The following C1orf21 variants were observed in gnomAD, a reference collection of about 807,000 sequenced individuals.
C1orf21 encodes the protein uncharacterized protein C1orf21.
A neutral mutation model predicts 18.7 loss-of-function variants in C1orf21; 3 were observed. The ratio of observed to expected loss-of-function variants is 0.16; its 90% CI spans 0.07 to 0.42. The LOEUF (loss-of-function observed/expected upper bound fraction) is 0.42. C1orf21 is among the 10% of genes least tolerant of loss of function. The pLI is 0.99. For synonymous variants in C1orf21, 41 were observed against 46.4 expected, an observed-to-expected ratio of 0.88 and a Z score of 0.47; for missense variants, 104 against 143.6, an observed-to-expected ratio of 0.72 and a Z score of 1.41.
intron 1 of C1orf21, among the ~76,000 whole-genome samples, chr1:184,460,254 C>T (rs1657281347): frequency 6.6e-6 from 1 of 152,122 alleles, no homozygotes; most frequent in East Asian, 1.9e-4. Flanking sequence ...CAGTAAATCC[C>T]CCAAATCCCA....
intron 3 of C1orf21, among the ~76,000 whole-genome samples, chr1:184,534,196 C>G (rs986832430): frequency 6.6e-6 from 1 of 152,170 alleles, no homozygotes; most frequent in Non-Finnish European, 1.5e-5. Flanking sequence ...GAGCCTCACA[C>G]ACTGTGAGGT....
intron 3 of C1orf21, among the ~76,000 whole-genome samples, chr1:184,580,686 C>T (rs79686240): frequency 0.062 from 9,395 of 152,288 alleles, 408 homozygotes; most frequent in African/African-American, 0.11. Context: ...CATTCTTCCA[C>T]TTAAGCTTCA....
At chr1:184,605,578 A>C (rs1427563184) in intron 5 of C1orf21, among the ~76,000 whole-genome samples, 1 of 152,198 alleles carries the variant, frequency 6.6e-6, no homozygotes, top group Non-Finnish European at 1.5e-5. Flanking sequence ...GAGCAAGCAC[A>C]GTGCCAGATA....
intron 5 of C1orf21, 65 bp from the exon 6 acceptor site, chr1:184,619,452 AG>A (rs1659881915): frequency 6.5e-7 from 1 of 1,535,690 alleles, no homozygotes; most frequent in African/African-American, 1.4e-5. Context: ...ATTGATTACA[AG>A]TAACTATTTC....
intron 3 of C1orf21, among the ~76,000 whole-genome samples, chr1:184,522,175 A>G (rs1658314474): frequency 6.6e-6 from 1 of 152,208 alleles, no homozygotes; most frequent in Non-Finnish European, 1.5e-5. Context: ...ATAGATACAG[A>G]TGGAAACATG....
At chr1:184,440,250 A>G (rs1273264750) in intron 1 of C1orf21, among the ~76,000 whole-genome samples, 1 of 151,982 alleles carries the variant, frequency 6.6e-6, no homozygotes, top group Non-Finnish European at 1.5e-5. Flanking sequence ...GTATTTGTTT[A>G]TTTATTTTTT....
chr1:184,568,721 C>T (rs931121052), intron 3 of C1orf21, among the ~76,000 whole-genome samples: 2 of 152,140 alleles, frequency 1.3e-5, no homozygotes, highest in African/African-American at 2.4e-5. Context: ...TCTTTTTCTC[C>T]CATGGAGCCA....
intron 5 of C1orf21, among the ~76,000 whole-genome samples, chr1:184,615,499 A>G (rs1399211332): frequency 6.6e-6 from 1 of 152,180 alleles, no homozygotes; most frequent in Non-Finnish European, 1.5e-5. Flanking sequence ...TGAGTAACGC[A>G]TCCTGACAAA....
intron 3 of C1orf21, among the ~76,000 whole-genome samples, chr1:184,586,313 C>T (rs1276894892): frequency 6.1e-5 from 8 of 130,234 alleles, no homozygotes; most frequent in African/African-American, 2.4e-4. Context: ...GAGACGGAGT[C>T]TCGCTGTCGC....
chr1:184,565,938 A>G (rs1659030534), intron 3 of C1orf21, among the ~76,000 whole-genome samples: 2 of 152,222 alleles, frequency 1.3e-5, no homozygotes, highest in Admixed American at 1.3e-4. Context: ...ATTTTTGAGT[A>G]TAAAAATAAG....
intron 3 of C1orf21, among the ~76,000 whole-genome samples, chr1:184,530,897 T>C (rs191710675): frequency 7.9e-5 from 12 of 152,236 alleles, no homozygotes; most frequent in Admixed American, 7.9e-4. Context: ...TTTGTAGAAA[T>C]GGCATTGTGG....
chr1:184,555,203 CAAAT>C (rs1260457321), intron 3 of C1orf21, among the ~76,000 whole-genome samples: 1 of 152,148 alleles, frequency 6.6e-6, no homozygotes, highest in Non-Finnish European at 1.5e-5. Flanking sequence ...AATGAATAAA[CAAAT>C]AAATCAGTTT....
intron 1 of C1orf21, among the ~76,000 whole-genome samples, chr1:184,390,124 A>G (rs1239564659): frequency 6.6e-6 from 1 of 152,222 alleles, no homozygotes; most frequent in Non-Finnish European, 1.5e-5. Context: ...TCACTGTCTT[A>G]TGATACTTTG....
chr1:184,493,304 A>G (rs918662963), intron 2 of C1orf21, among the ~76,000 whole-genome samples: 1 of 152,236 alleles, frequency 6.6e-6, no homozygotes, highest in African/African-American at 2.4e-5. Flanking sequence ...GCTGGAAGCT[A>G]TAATATAAAT....
chr1:184,514,917 T>A (rs1288161684), intron 3 of C1orf21, among the ~76,000 whole-genome samples: 1 of 152,224 alleles, frequency 6.6e-6, no homozygotes, highest in Non-Finnish European at 1.5e-5. Context: ...TTTCTGTGGG[T>A]ATCCATATAT....
intron 3 of C1orf21, among the ~76,000 whole-genome samples, chr1:184,532,714 T>G (rs2101973751): frequency 6.6e-6 from 1 of 152,320 alleles, no homozygotes; most frequent in Non-Finnish European, 1.5e-5. Context: ...GCCACTGCAC[T>G]TCAGCCTAAG....
intron 3 of C1orf21, 66 bp from the exon 4 acceptor site, chr1:184,590,673 C>T (rs1659424231): frequency 1.3e-6 from 2 of 1,483,876 alleles, no homozygotes; most frequent in African/African-American, 2.8e-5. Flanking sequence ...GTGATGAAAA[C>T]TCATACACTT....
At chr1:184,422,632 T>C (rs181699799) in intron 1 of C1orf21, among the ~76,000 whole-genome samples, 339 of 152,298 alleles carry the variant, frequency 2.2e-3, no homozygotes, top group Non-Finnish European at 4.2e-3. Flanking sequence ...TTGTAAAGCC[T>C]TGTGAAAAAA....
At chr1:184,551,706 C>G (rs1000005984) in intron 3 of C1orf21, among the ~76,000 whole-genome samples, 1 of 152,118 alleles carries the variant, frequency 6.6e-6, no homozygotes, top group Non-Finnish European at 1.5e-5. Flanking sequence ...ATGAATTGGA[C>G]AGAAAGGGGC....
Sources: allele counts gnomAD v4.1 joint callset (sites outside exome capture counted in the v4.1 genomes callset), GRCh38; gene constraint gnomAD v4.1.1; transcripts MANE v1.5; gene names NCBI Gene and HGNC (gene_info 2026-07-23, HGNC 2026-07-21).